Variants in AKAP13 observed in about 807,000 individuals in gnomAD.
The protein encoded by AKAP13 is A-kinase anchoring protein 13, also known as A-kinase anchor protein 13.
Under a neutral mutation model 264.5 loss-of-function variants are expected in AKAP13, and 80 were observed. That is an observed-to-expected ratio of 0.30 (90% confidence interval 0.25 to 0.36). AKAP13 has a LOEUF of 0.36. Ranked by LOEUF, AKAP13 falls within the 10% of genes least tolerant of loss-of-function variation. The pLI is 1.00. For synonymous variants in AKAP13, 1,380 were observed against 1,250.2 expected (o/e 1.10, Z -2.19); for missense variants, 3,712 against 3,435.2 (o/e 1.08, Z -2.01).
chr15:85,555,485 G>A, intron 5 of AKAP13: 1 of 1,284,728 alleles, frequency 7.8e-7, no homozygotes, highest in Non-Finnish European at 1.0e-6. Context: ...TGCTTGGGCA[G>A]CCATGTGTGA....
intron 16 of AKAP13, among the ~76,000 whole-genome samples, chr15:85,686,542 T>C (rs999795474): frequency 6.6e-6 from 1 of 151,454 alleles, no homozygotes; most frequent in Non-Finnish European, 1.5e-5. Context: ...ATGCAAAGAG[T>C]CTAGCAAATT....
chr15:85,481,503 G>T (rs942477015), intron 1 of AKAP13, among the ~76,000 whole-genome samples: 2 of 152,168 alleles, frequency 1.3e-5, no homozygotes, highest in Non-Finnish European at 2.9e-5. Flanking sequence ...TAAAGTGAAT[G>T]TGTCTCTTTT....
chr15:85,618,464 T>A (rs201574232), intron 8 of AKAP13, among the ~76,000 whole-genome samples: 69 of 145,274 alleles, frequency 4.7e-4, no homozygotes, highest in Admixed American at 9.6e-4. Flanking sequence ...TTTTTTTTTT[T>A]AATCCCTTTT....
At chr15:85,571,330 C>G in intron 5 of AKAP13, among the ~76,000 whole-genome samples, 1 of 151,460 alleles carries the variant, frequency 6.6e-6, no homozygotes, top group Admixed American at 6.6e-5. Flanking sequence ...TGTTATTGAA[C>G]TTTTATTTCA....
At chr15:85,445,383 A>T (rs964075490) in intron 1 of AKAP13, among the ~76,000 whole-genome samples, 1 of 152,170 alleles carries the variant, frequency 6.6e-6, no homozygotes. Flanking sequence ...AAACTGACTG[A>T]TATGTTCTAA....
chr15:85,394,866 A>G lies in AKAP13; in HGVS notation c.-12+14068A>G, dbSNP rs140420367. 3.0e-4 allele frequency among the ~76,000 whole-genome samples: 45 copies of G among 152,348 alleles called. 1 individual carries two copies. The East Asian group carries it at 8.7e-3, about 29-fold the overall frequency. On this transcript the variant is annotated intron_variant, in intron 1 of 36. Transcript: ENST00000394518. ...TAAAACTTAGACTCTTGGACATGAA[A>G]TGGGACAGAGGTTATTTTCACATTA...
At chr15:85,555,219 C>T (rs2078100171) in intron 5 of AKAP13, among the ~76,000 whole-genome samples, 1 of 152,106 alleles carries the variant, frequency 6.6e-6, no homozygotes, top group East Asian at 1.9e-4. Flanking sequence ...TGGCATTTAG[C>T]TTCTCCAGCT....
In AKAP13 at chr15:85,717,307, A is replaced by G; in HGVS notation, c.5753A>G (p.Asn1918Ser). The change falls in exon 21 of 37, where the codon AAC (asparagine) becomes AGC (serine). Residue 1918 changes from asparagine (N) to serine (S), a missense_variant. Physicochemically the swap from Asn to Ser is conservative, Grantham distance 46. Coordinates refer to ENST00000394518, the MANE Select transcript of AKAP13 (RefSeq NM_007200.5). ...QNITGVGNDE[N>S]MSNTWKFLSH... ...GTCCCCAGAGTTGGCAATGATGAGA[A>G]CATGTCAAACACCTGGAAATTCCTG... 6.2e-7 allele frequency: 1 copy of G among 1,611,784 alleles called. No individual in the cohort carries two copies. Among genetic ancestry groups the G allele is most frequent in the Non-Finnish European group, 8.5e-7 (1 of 1,179,366 alleles).
chr15:85,474,203 T>A (rs1221980395), intron 1 of AKAP13, among the ~76,000 whole-genome samples: 1 of 152,208 alleles, frequency 6.6e-6, no homozygotes, highest in Non-Finnish European at 1.5e-5. Flanking sequence ...TGTTCTCAGC[T>A]CTTCCTCCAA....
chr15:85,631,951 C>T (rs938174382), intron 8 of AKAP13, among the ~76,000 whole-genome samples: 8 of 151,942 alleles, frequency 5.3e-5, no homozygotes, highest in Non-Finnish European at 1.2e-4. Context: ...TCTTTGTGGT[C>T]GTTCAGACAT....
Position 85,717,999 on chromosome 15 carries a change from A to G in AKAP13, c.5849-8A>G, listed in dbSNP as rs752111791. On this transcript the variant is annotated splice_polypyrimidine_tract_variant and splice_region_variant and intron_variant, in intron 21 of 36. Transcript: ENST00000394518. ...CTGATTCTGATATTGATTTTTTGAT[A>G]TATTGAGGAGTAGGTACAGACATGA... is the stretch of plus-strand genomic sequence containing the variant. 1.2e-6 allele frequency: 2 copies of G among 1,611,006 alleles called. No homozygotes were observed. Among genetic ancestry groups the G allele is most frequent in the Middle Eastern group, 1.7e-4 (1 of 6,040 alleles).
rs542149464 is a variant in AKAP13 at position 85,591,310 on chromosome 15, C to T, written c.4161+5487C>T. ...CCACTTGGTTTAGGATGGGTTTTTGCGTTTTAAACAAGCATCCCTGAATGA... is the reference window on the plus strand; with the variant it reads ...CCACTTGGTTTAGGATGGGTTTTTGTGTTTTAAACAAGCATCCCTGAATGA... On this transcript the variant is annotated intron_variant, in intron 8 of 36. Coordinates refer to ENST00000394518, the MANE Select transcript of AKAP13 (RefSeq NM_007200.5). 1.1e-4 allele frequency among the ~76,000 whole-genome samples: 16 copies of T among 152,176 alleles called. No homozygotes were observed. In the South Asian group the frequency reaches 2.3e-3, roughly 22 times the overall value.
intron 3 of AKAP13, among the ~76,000 whole-genome samples, chr15:85,532,330 A>T (rs1416005418): frequency 6.6e-6 from 1 of 152,266 alleles, no homozygotes; most frequent in Non-Finnish European, 1.5e-5. Flanking sequence ...CAGAAAGCTT[A>T]GTTCATTCCA....
At chr15:85,447,771 T>C (rs931822923) in intron 1 of AKAP13, among the ~76,000 whole-genome samples, 4 of 152,212 alleles carry the variant, frequency 2.6e-5, no homozygotes, top group Non-Finnish European at 4.4e-5. Flanking sequence ...CAGTCTGTCA[T>C]TGATGGGCAT....
At chr15:85,515,501 C>T (rs1326713379) in intron 2 of AKAP13, among the ~76,000 whole-genome samples, 1 of 138,898 alleles carries the variant, frequency 7.2e-6, no homozygotes, top group Non-Finnish European at 1.5e-5. Flanking sequence ...CTGTAAACCT[C>T]ATTCAGATTT....
chr15:85,644,638 A>G (rs2082465847), intron 9 of AKAP13, among the ~76,000 whole-genome samples: 1 of 144,092 alleles, frequency 6.9e-6, no homozygotes, highest in South Asian at 2.2e-4. Context: ...TCACATGGTC[A>G]GGAGATGGAG....
rs889310089 is a variant in AKAP13, at chr15:85,746,691, ACAACTC to A, written c.*2018_*2023del. ...AAGTTTCTTTCTTTCACCTATTTGTACAACTCCAAGTTACAGCTGAATCTGTCGTGA... is the reference window on the plus strand; with the variant it reads ...AAGTTTCTTTCTTTCACCTATTTGTACAAGTTACAGCTGAATCTGTCGTGA... On this transcript the variant is annotated 3_prime_UTR_variant, in exon 37 of 37. Coordinates refer to ENST00000394518, the MANE Select transcript of AKAP13 (RefSeq NM_007200.5). 6.6e-6 allele frequency: 1 copy of A among 152,214 alleles called. No homozygotes were observed. Among genetic ancestry groups the A allele is most frequent in the African/African-American group, 2.4e-5 (1 of 41,462 alleles). The allele number at this position is 152,214 out of a possible 1,614,324, so 9.4% of individuals were successfully genotyped here.
At chr15:85,599,344 T>C (rs1466427445) in intron 8 of AKAP13, among the ~76,000 whole-genome samples, 1 of 152,256 alleles carries the variant, frequency 6.6e-6, no homozygotes, top group Non-Finnish European at 1.5e-5. Flanking sequence ...GGTTTGCTTT[T>C]AAATCGAAAG....
intron 1 of AKAP13, among the ~76,000 whole-genome samples, chr15:85,460,851 A>T (rs987591986): frequency 6.6e-6 from 1 of 152,224 alleles, no homozygotes; most frequent in Non-Finnish European, 1.5e-5. Flanking sequence ...AGATTTTCCC[A>T]TAGAGCCTCC....
Sources: allele counts gnomAD v4.1 joint callset (sites outside exome capture counted in the v4.1 genomes callset), GRCh38; gene constraint gnomAD v4.1.1; transcripts MANE v1.5; gene names NCBI Gene and HGNC (gene_info 2026-07-23, HGNC 2026-07-21).